The following ZNF138 variants were observed in gnomAD, a reference collection of about 807,000 sequenced individuals.
The protein encoded by ZNF138 is zinc finger protein 138, also known as zinc finger protein 138 (clone pHZ-32).
A neutral mutation model predicts 33.0 loss-of-function variants in ZNF138; 33 were observed. The ratio of observed to expected loss-of-function variants is 1.00; its 90% confidence interval spans 0.76 to 1.34. ZNF138 has a LOEUF of 1.34. Among genes scored for constraint, ZNF138 ranks in the 40% most tolerant of loss-of-function variants. The pLI is 0.00. For synonymous variants in ZNF138, 139 were observed against 120.4 expected, an observed-to-expected ratio of 1.15 and a Z score of -1.01; for missense variants, 360 against 370.8, an observed-to-expected ratio of 0.97 and a Z score of 0.24.
chr7:64,836,238 G>A (rs923486685), downstream of ZNF138: 1 of 152,308 alleles, frequency 6.6e-6, no homozygotes, highest in Non-Finnish European at 1.5e-5. Flanking sequence ...AGGGGGTAGG[G>A]AGAGGAACTG....
chr7:64,810,641 T>C (rs1412455307), intron 1 of ZNF138, among the ~76,000 whole-genome samples: 1 of 152,018 alleles, frequency 6.6e-6, no homozygotes, highest in South Asian at 2.1e-4. Context: ...TGGGATTTAA[T>C]TTTCTTTTGG....
At chr7:64,794,656 C>G (rs1786543257) in intron 1 of ZNF138, 85 bp downstream of exon 1, 9 of 1,593,472 alleles carry the variant, frequency 5.6e-6, no homozygotes, top group African/African-American at 1.3e-5. Flanking sequence ...GTACTCGGGT[C>G]TTCCCGCAGT....
the ZNF138 span, among the ~76,000 whole-genome samples, chr7:64,844,937 G>A: frequency 3.9e-5 from 6 of 152,160 alleles, no homozygotes; most frequent in South Asian, 2.1e-4. Context: ...TGCCCGCCTC[G>A]GCCTCCCAAA....
Position 64,815,607 on chromosome 7 carries a change from G to GC in ZNF138, c.165dup (p.Trp56LeufsTer7). Reference sequence around the variant, plus strand: ...TTACCTGTCTGGAACAAGGAAAAGAGCCCTGGAATATGAAGAGACATGAGA... The same window carrying GC: ...TTACCTGTCTGGAACAAGGAAAAGAGCCCCTGGAATATGAAGAGACATGAGA... On this transcript the variant is annotated frameshift_variant, in exon 3 of 4. Coordinates refer to ENST00000307355, the MANE Select transcript of ZNF138 (RefSeq NM_001271639.2). LOFTEE classifies it high-confidence loss of function. The GC allele has an allele frequency of 6.2e-6, 10 of 1,612,812 alleles. No homozygotes were observed. In the South Asian group the frequency reaches 1.1e-4, roughly 18 times the overall value.
chr7:64,796,277 G>A (rs1786680894), intron 1 of ZNF138, among the ~76,000 whole-genome samples: 1 of 152,228 alleles, frequency 6.6e-6, no homozygotes, highest in Non-Finnish European at 1.5e-5. Context: ...GCATAGTGCA[G>A]CGTCTTCAGA....
At chr7:64,846,316 G>A in the ZNF138 span, among the ~76,000 whole-genome samples, 1 of 152,130 alleles carries the variant, frequency 6.6e-6, no homozygotes, top group Non-Finnish European at 1.5e-5. Flanking sequence ...ATAGTATTTT[G>A]ATGGGAATTG....
intron 1 of ZNF138, among the ~76,000 whole-genome samples, chr7:64,801,851 G>A (rs62456800): frequency 0.044 from 6,647 of 152,084 alleles, 207 homozygotes; most frequent in East Asian, 0.14. Flanking sequence ...TTAAATCTTG[G>A]GACCCAAAAC....
At chr7:64,799,072 G>T (rs1350607262) in intron 1 of ZNF138, among the ~76,000 whole-genome samples, 1 of 151,946 alleles carries the variant, frequency 6.6e-6, no homozygotes, top group East Asian at 1.9e-4. Flanking sequence ...AGTTTTTTTA[G>T]TTCTGTTAAG....
chr7:64,797,947 A>C (rs911170607), intron 1 of ZNF138, among the ~76,000 whole-genome samples: 1 of 151,852 alleles, frequency 6.6e-6, no homozygotes, highest in African/African-American at 2.4e-5. Context: ...TTTTTAATTA[A>C]ATTATTTTTT....
At chr7:64,855,133 T>C in the ZNF138 span, among the ~76,000 whole-genome samples, 1 of 152,174 alleles carries the variant, frequency 6.6e-6, no homozygotes, top group African/African-American at 2.4e-5. Context: ...TACAATGTCA[T>C]GCACCTCCAC....
intron 1 of ZNF138, among the ~76,000 whole-genome samples, chr7:64,809,840 T>TC (rs1469875964): frequency 2.6e-5 from 3 of 114,360 alleles, no homozygotes; most frequent in Non-Finnish European, 5.4e-5. Flanking sequence ...GCAGAGGCGC[T>TC]CCCCACATCT....
intron 3 of ZNF138, among the ~76,000 whole-genome samples, chr7:64,817,220 C>A (rs1485612708): frequency 6.6e-6 from 1 of 152,168 alleles, no homozygotes; most frequent in African/African-American, 2.4e-5. Context: ...CAGTAAAGGG[C>A]AAGGTCTGCA....
In ZNF138 at chr7:64,832,093, G is replaced by C; in HGVS notation, c.851G>C (p.Cys284Ser). The change falls in exon 4 of 4, where the codon TGT (cysteine) becomes TCT (serine). Residue 284 changes from cysteine to serine, a missense_variant. Physicochemically the swap from Cys to Ser is moderately radical, Grantham distance 112. Coordinates refer to ENST00000307355, the MANE Select transcript of ZNF138 (RefSeq NM_001271639.2). ...GAGAAACCCTACAAATGTGAACAATGTGGCAAGGTCTTTAAGCAGTCCCCA... is the reference window on the plus strand; with the variant it reads ...GAGAAACCCTACAAATGTGAACAATCTGGCAAGGTCTTTAAGCAGTCCCCA... ...TEEKPYKCEQ[C>S]GKVFKQSPTL... 6.2e-7 allele frequency: 1 copy of C among 1,613,774 alleles called. No homozygotes were observed.
chr7:64,796,251 T>G (rs369101400), intron 1 of ZNF138, among the ~76,000 whole-genome samples: 14 of 152,302 alleles, frequency 9.2e-5, no homozygotes, highest in East Asian at 7.7e-4. Flanking sequence ...GAAATGTACT[T>G]GGGGCAGTCA....
intron 3 of ZNF138, among the ~76,000 whole-genome samples, chr7:64,829,897 T>C (rs1789940359): frequency 6.6e-6 from 1 of 152,218 alleles, no homozygotes; most frequent in African/African-American, 2.4e-5. Flanking sequence ...TGTGTTGCTT[T>C]CTTGCATTGT....
intron 1 of ZNF138, among the ~76,000 whole-genome samples, chr7:64,813,739 AT>A (rs940642806): frequency 5.9e-5 from 9 of 151,378 alleles, no homozygotes; most frequent in African/African-American, 1.7e-4. Context: ...TGGCCAAATG[AT>A]TTTTTTTTAT....
chr7:64,859,991 G>C, the ZNF138 span, among the ~76,000 whole-genome samples: 2 of 152,092 alleles, frequency 1.3e-5, no homozygotes, highest in African/African-American at 2.4e-5. Context: ...ACAAAAATTA[G>C]CCAGGCATGG....
intron 1 of ZNF138, among the ~76,000 whole-genome samples, chr7:64,803,060 T>G (rs1189287823): frequency 6.6e-6 from 1 of 152,188 alleles, no homozygotes; most frequent in Non-Finnish European, 1.5e-5. Context: ...GGGTTTATTC[T>G]CCTGCATGAA....
chr7:64,841,635 T>C, the ZNF138 span, among the ~76,000 whole-genome samples: 1 of 152,248 alleles, frequency 6.6e-6, no homozygotes, highest in Non-Finnish European at 1.5e-5. Context: ...TTCCTAATTA[T>C]CTTTAGTTTT....
Sources: allele counts gnomAD v4.1 joint callset (sites outside exome capture counted in the v4.1 genomes callset), GRCh38; gene constraint gnomAD v4.1.1; transcripts MANE v1.5; gene names NCBI Gene and HGNC (gene_info 2026-07-23, HGNC 2026-07-21).